DARS1: variants seen among roughly 807,000 people sequenced by gnomAD.
The protein encoded by DARS1 is aspartyl-tRNA synthetase 1.
In DARS1, 51 loss-of-function variants were observed where a neutral mutation model predicts 68.8. The ratio of observed to expected loss-of-function variants is 0.74; its 90% CI spans 0.59 to 0.94. The LOEUF is 0.94. Among genes scored for constraint, DARS1 ranks in the 40% least tolerant of loss-of-function variants. The probability of loss-of-function intolerance (pLI) is 0.00; values close to 1 mark genes in which losing one functional copy is unlikely to be tolerated. For synonymous variants in DARS1, 203 were observed against 190.4 expected, an observed-to-expected ratio of 1.07 and a Z score of -0.55; for missense variants, 607 against 597.3, an observed-to-expected ratio of 1.02 and a Z score of -0.17.
chr2:135,981,575 C>T (rs1034483653), intron 2 of DARS1, among the ~76,000 whole-genome samples: 15 of 152,136 alleles, frequency 9.9e-5, no homozygotes, highest in African/African-American at 3.4e-4. Flanking sequence ...GTCCAAAACA[C>T]TTTTGTGGTC....
intron 9 of DARS1, 102 bp from the exon 10 acceptor site, chr2:135,920,702 T>A (rs1258478961): frequency 9.4e-6 from 13 of 1,377,580 alleles, no homozygotes; most frequent in Non-Finnish European, 1.2e-5. Context: ...CCAGTGGTAT[T>A]ATTTTCATAT....
At chr2:135,933,809 C>A in intron 6 of DARS1, 101 bp downstream of exon 6, 1 of 1,378,430 alleles carries the variant, frequency 7.3e-7, no homozygotes, top group Non-Finnish European at 9.5e-7. Flanking sequence ...AACAATGGAG[C>A]TCAAAATCAA....
chr2:135,943,759 G>A, intron 4 of DARS1, among the ~76,000 whole-genome samples: 1 of 152,142 alleles, frequency 6.6e-6, no homozygotes, highest in East Asian at 1.9e-4. Context: ...ATTGGGAAAA[G>A]TAGTAAAAAG....
chr2:135,985,540 T>C lies in DARS1; in HGVS notation c.-72A>G. ...CCGTAAGGCAGGCCAAAGGGGCTTC[T>C]CCCTCCCTCCCAGTCTCCGCCCTCC... On this transcript the variant is annotated 5_prime_UTR_variant, in exon 1 of 16. Coordinates refer to ENST00000264161, the MANE Select transcript of DARS1 (RefSeq NM_001349.4). The C allele has an allele frequency of 1.2e-6, 2 of 1,609,078 alleles. No homozygotes were observed. Among genetic ancestry groups the C allele is most frequent in the Non-Finnish European group, 1.7e-6 (2 of 1,177,930 alleles).
At position 135,964,837 on chromosome 2, in the gene DARS1, C is replaced by A. The variant is rs533337973; in HGVS notation, c.218-3339G>T. 4.1e-5 allele frequency among the ~76,000 whole-genome samples: 4 copies of A among 96,928 alleles called. No homozygotes were observed. In the South Asian group the frequency reaches 1.4e-3, roughly 35 times the overall value. 63.6% of individuals were successfully genotyped at this position (96,928 alleles called of 152,430 possible). A position where few individuals can be genotyped will look rare whatever the true frequency, so the allele number is the denominator to read the frequency against. ...GCCTGGGTAACAGAGCAAGACTCCA[C>A]CTCAAAAAAAAAAAAAAAAAAAAAA... is the stretch of plus-strand genomic sequence containing the variant. On this transcript the variant is annotated intron_variant, in intron 3 of 15. Transcript: ENST00000264161.
chr2:135,982,545 G>A (rs556461618), intron 2 of DARS1, among the ~76,000 whole-genome samples: 5 of 150,836 alleles, frequency 3.3e-5, no homozygotes, highest in Non-Finnish European at 5.9e-5. Context: ...GAAGTGAGCC[G>A]AGATCATGCC....
chr2:135,968,743 C>T (rs1315642821), intron 3 of DARS1, among the ~76,000 whole-genome samples: 2 of 150,436 alleles, frequency 1.3e-5, no homozygotes, highest in South Asian at 2.1e-4. Flanking sequence ...CTCACTGCAA[C>T]CTCCGCCTCC....
At chr2:135,946,611 C>T (rs1391722217) in intron 4 of DARS1, among the ~76,000 whole-genome samples, 1 of 152,114 alleles carries the variant, frequency 6.6e-6, no homozygotes, top group South Asian at 2.1e-4. Context: ...GAATCATAAA[C>T]CCTGAGAAAT....
intron 1 of DARS1, 46 bp downstream of exon 1, chr2:135,985,357 G>A (rs951035619): frequency 1.9e-6 from 3 of 1,599,612 alleles, no homozygotes; most frequent in Non-Finnish European, 1.7e-6. Context: ...GGCGCAGCCC[G>A]GCCCAGGGGT....
chr2:135,909,386 AT>A (rs1680851848), intron 15 of DARS1, among the ~76,000 whole-genome samples: 1 of 152,218 alleles, frequency 6.6e-6, no homozygotes, highest in Admixed American at 6.5e-5. Context: ...CAAAAATTGT[AT>A]GTATTTACAG....
intron 8 of DARS1, among the ~76,000 whole-genome samples, chr2:135,923,971 A>G (rs1452255317): frequency 6.6e-6 from 1 of 152,156 alleles, no homozygotes; most frequent in Non-Finnish European, 1.5e-5. Context: ...AGCCGAATTC[A>G]CAACACTGCA....
At chr2:135,917,702 C>T (rs184988434) in intron 10 of DARS1, among the ~76,000 whole-genome samples, 19 of 151,914 alleles carry the variant, frequency 1.3e-4, no homozygotes, top group African/African-American at 4.3e-4. Context: ...TGGTCTTGAA[C>T]TCCTAGGCTC....
chr2:135,910,386 G>A (rs1156440234), intron 15 of DARS1, among the ~76,000 whole-genome samples: 1 of 151,986 alleles, frequency 6.6e-6, no homozygotes, highest in Non-Finnish European at 1.5e-5. Context: ...ATCTCATTGA[G>A]GTTTTAATTT....
intron 9 of DARS1, among the ~76,000 whole-genome samples, chr2:135,922,446 A>G (rs1053645562): frequency 4.6e-5 from 7 of 152,196 alleles, no homozygotes; most frequent in Non-Finnish European, 5.9e-5. Context: ...CAGATGGTGT[A>G]TATTTTCAAG....
At chr2:135,964,861 A>AAAGAAGTG (rs1682188782) in intron 3 of DARS1, among the ~76,000 whole-genome samples, 2 of 151,352 alleles carry the variant, frequency 1.3e-5, no homozygotes, top group South Asian at 4.2e-4. Flanking sequence ...AAAAAAAAAA[A>AAAGAAGTG]AAGAAGTGAA....
At chr2:135,930,546 C>G (rs1424076842) in intron 7 of DARS1, among the ~76,000 whole-genome samples, 1 of 152,194 alleles carries the variant, frequency 6.6e-6, no homozygotes, top group Non-Finnish European at 1.5e-5. Flanking sequence ...ATCTCCCCAA[C>G]AAAATGATGT....
At chr2:135,958,609 T>A (rs1682029713) in intron 4 of DARS1, among the ~76,000 whole-genome samples, 1 of 152,220 alleles carries the variant, frequency 6.6e-6, no homozygotes, top group African/African-American at 2.4e-5. Context: ...CTGACCCATC[T>A]GGAACATAAA....
intron 4 of DARS1, among the ~76,000 whole-genome samples, chr2:135,948,874 C>T (rs1681781854): frequency 8.6e-6 from 1 of 116,682 alleles, no homozygotes. Context: ...CGTCTCCCGT[C>T]TCCAAAAAAA....
intron 4 of DARS1, among the ~76,000 whole-genome samples, chr2:135,946,962 T>C (rs1681737152): frequency 6.6e-6 from 1 of 152,136 alleles, no homozygotes; most frequent in South Asian, 2.1e-4. Flanking sequence ...CTGTATTTTA[T>C]GTAGAGACAG....
Sources: allele counts gnomAD v4.1 joint callset (sites outside exome capture counted in the v4.1 genomes callset), GRCh38; gene constraint gnomAD v4.1.1; transcripts MANE v1.5; gene names NCBI Gene and HGNC (gene_info 2026-07-23, HGNC 2026-07-21).